The following RAD51 variants were observed in gnomAD, a reference collection of about 807,000 sequenced individuals.
RAD51 encodes the protein RAD51 recombinase, also known as DNA repair protein RAD51 homolog 1.
A neutral mutation model predicts 41.5 loss-of-function variants in RAD51; 14 were observed. The ratio of observed to expected loss-of-function variants is 0.34; its 90% CI spans 0.22 to 0.53. The LOEUF is 0.53. Ranked by LOEUF, RAD51 falls within the 20% of genes least tolerant of loss-of-function variation. The probability of loss-of-function intolerance (pLI) is 0.95; values close to 1 mark genes in which losing one functional copy is unlikely to be tolerated. For missense variants in RAD51, 234 were observed against 422.0 expected (o/e 0.55, Z 3.90); for synonymous variants, 136 against 148.6 (o/e 0.92, Z 0.62).
chr15:40,716,575 A>T (rs1895997685), intron 5 of RAD51, among the ~76,000 whole-genome samples: 3 of 151,066 alleles, frequency 2.0e-5, no homozygotes. Context: ...CATTTTGGCC[A>T]GGCTGGTCTC....
intron 4 of RAD51, 90 bp from the exon 5 acceptor site, chr15:40,708,935 A>C: frequency 3.4e-6 from 4 of 1,161,706 alleles, no homozygotes; most frequent in Non-Finnish European, 3.9e-6. Flanking sequence ...TTACATAAAC[A>C]TCTTTCTGAT....
At chr15:40,728,678 T>C (rs1437721623) in intron 6 of RAD51, 33 bp from the exon 7 acceptor site, 1 of 1,567,128 alleles carries the variant, frequency 6.4e-7, no homozygotes, top group Non-Finnish European at 8.8e-7. Context: ...GAGTTCTGTG[T>C]GCAGCCTAAA....
chr15:40,725,940 C>T (rs752779621), intron 6 of RAD51, among the ~76,000 whole-genome samples: 9 of 152,006 alleles, frequency 5.9e-5, no homozygotes, highest in East Asian at 3.9e-4. Context: ...GAGCCAGGAT[C>T]GTGCCACTGT....
intron 4 of RAD51, 108 bp from the exon 5 acceptor site, chr15:40,708,917 T>G: frequency 9.5e-7 from 1 of 1,057,934 alleles, no homozygotes; most frequent in Non-Finnish European, 1.4e-6. Context: ...GGAAATTGAA[T>G]TTTTAACTTA....
chr15:40,698,585 A>C (rs1894796687), intron 1 of RAD51, among the ~76,000 whole-genome samples, 172 bp from the exon 2 acceptor site: 2 of 152,202 alleles, frequency 1.3e-5, no homozygotes, highest in African/African-American at 4.8e-5. Context: ...AATAAGTAAA[A>C]CTTGGCCCCT....
intron 5 of RAD51, among the ~76,000 whole-genome samples, chr15:40,711,453 C>G (rs1439904945): frequency 6.6e-6 from 1 of 152,004 alleles, no homozygotes; most frequent in African/African-American, 2.4e-5. Context: ...ACAATAAATG[C>G]TTGAATGAGT....
intron 6 of RAD51, among the ~76,000 whole-genome samples, chr15:40,725,046 C>A (rs533375414): frequency 6.6e-6 from 1 of 151,254 alleles, no homozygotes; most frequent in Admixed American, 6.6e-5. Flanking sequence ...ACTACAGGCG[C>A]CCGCCACCGC....
chr15:40,718,886 G>A lies in RAD51; in HGVS notation c.517G>A (p.Ala173Thr). 6.2e-7 allele frequency: 1 copy of A among 1,611,240 alleles called. No homozygotes were observed. Among genetic ancestry groups the A allele is most frequent in the Non-Finnish European group, 8.5e-7 (1 of 1,177,536 alleles). The change falls in exon 6 of 10, where the codon GCA (alanine) becomes ACA (threonine). Residue 173 changes from alanine to threonine, a missense_variant. Transcript: ENST00000267868. ...TACCTTTAGGCCAGAACGGCTGCTG[G>A]CAGTGGCTGAGAGGTAGGTTACTGG... Reference protein sequence around the residue: ...EGTFRPERLLAVAERYGLSGS... With the variant: ...EGTFRPERLLTVAERYGLSGS...
At chr15:40,716,449 T>C (rs1895990460) in intron 5 of RAD51, among the ~76,000 whole-genome samples, 1 of 151,720 alleles carries the variant, frequency 6.6e-6, no homozygotes, top group Admixed American at 6.6e-5. Context: ...CACTGCACCC[T>C]CCGCCTCCCA....
chr15:40,715,165 G>A (rs1895923119), intron 5 of RAD51, among the ~76,000 whole-genome samples: 1 of 152,112 alleles, frequency 6.6e-6, no homozygotes. Context: ...AGAACAGCCT[G>A]GCCAAGATGG....
chr15:40,730,818 G>A (rs1014288060), intron 9 of RAD51, among the ~76,000 whole-genome samples: 4 of 151,688 alleles, frequency 2.6e-5, no homozygotes, highest in Admixed American at 6.6e-5. Context: ...CACCATGCCC[G>A]GCCTAAATTT....
chr15:40,720,712 GA>G (rs45455491), intron 6 of RAD51, among the ~76,000 whole-genome samples: 5 of 149,822 alleles, frequency 3.3e-5, no homozygotes, highest in Non-Finnish European at 5.9e-5. Context: ...AGTAAAACTT[GA>G]AAAAAAAACT....
At chr15:40,728,684 C>G (rs547070974) in intron 6 of RAD51, 27 bp from the exon 7 acceptor site, 3 of 1,587,622 alleles carry the variant, frequency 1.9e-6, no homozygotes, top group Admixed American at 3.3e-5. Context: ...TGTGTGCAGC[C>G]TAAAAATGTT....
chr15:40,716,184 A>G (rs982793674), intron 5 of RAD51, among the ~76,000 whole-genome samples: 1 of 152,238 alleles, frequency 6.6e-6, no homozygotes, highest in African/African-American at 2.4e-5. Context: ...TTTAGTTTTT[A>G]AAACAATCCC....
At chr15:40,715,709 C>G (rs147044641) in intron 5 of RAD51, among the ~76,000 whole-genome samples, 4 of 152,312 alleles carry the variant, frequency 2.6e-5, no homozygotes, top group Admixed American at 6.5e-5. Flanking sequence ...TGTCCACTAT[C>G]CTGTTGTCAG....
chr15:40,713,245 C>T lies in RAD51; in HGVS notation c.435+4129C>T, dbSNP rs1212892164. Among the ~76,000 whole-genome samples the T allele has an allele frequency of 2.0e-4, 26 of 127,136 alleles. No homozygotes were observed. In the South Asian group the frequency reaches 2.2e-3, roughly 11 times the overall value. 83.4% of individuals were successfully genotyped at this position (127,136 alleles called of 152,430 possible). A position where few individuals can be genotyped will look rare whatever the true frequency, so the allele number is the denominator to read the frequency against. ...ATAGCCTCCCATTTTTCTTATTTTC[C>T]TTTTTTTTTTTTTTTTTATTTGAGA... On this transcript the variant is annotated intron_variant, in intron 5 of 9. Coordinates refer to ENST00000267868, the MANE Select transcript of RAD51 (RefSeq NM_002875.5).
intron 6 of RAD51, among the ~76,000 whole-genome samples, chr15:40,724,105 A>C (rs888395823): frequency 5.3e-5 from 8 of 152,208 alleles, no homozygotes; most frequent in African/African-American, 1.7e-4. Context: ...TATTGAATGT[A>C]TACCACTGAA....
At chr15:40,727,240 G>A (rs1452336386) in intron 6 of RAD51, among the ~76,000 whole-genome samples, 3 of 151,952 alleles carry the variant, frequency 2.0e-5, no homozygotes, top group Non-Finnish European at 4.4e-5. Context: ...GGGATTACAA[G>A]CATGAGCCAC....
At chr15:40,728,468 G>A (rs1218341275) in intron 6 of RAD51, among the ~76,000 whole-genome samples, 1 of 149,856 alleles carries the variant, frequency 6.7e-6, no homozygotes, top group South Asian at 2.1e-4. Context: ...AAAAAAAAAA[G>A]AATGGATTTG....
Sources: gnomAD v4.1 joint callset for allele counts (sites outside exome capture counted in the v4.1 genomes callset) on GRCh38, gnomAD v4.1.1 for gene constraint, MANE v1.5 for transcripts, NCBI Gene and HGNC (gene_info 2026-07-23, HGNC 2026-07-21) for gene names.